Variants in IFIT3 observed in about 807,000 individuals in gnomAD.
IFIT3 encodes interferon-induced protein with tetratricopeptide repeats 3.
A neutral mutation model predicts 2.4 loss-of-function variants in IFIT3; 2 were observed. The ratio of observed to expected loss-of-function variants is 0.82; its 90% CI spans 0.34 to 2.60. The LOEUF (loss-of-function observed/expected upper bound fraction) is 2.60, where lower values mean the gene tolerates loss of function less well. Ranked by LOEUF, IFIT3 falls within the 30% of genes most tolerant of loss-of-function variation. The pLI, the probability that IFIT3 is intolerant of heterozygous loss-of-function variation, is 0.11. For missense variants in IFIT3, 481 were observed against 562.4 expected, an observed-to-expected ratio of 0.86 and a Z score of 1.46; for synonymous variants, 203 against 212.1, an observed-to-expected ratio of 0.96 and a Z score of 0.37.
At chr10:89,336,398 A>G (rs1217239158) in intron 1 of IFIT3, among the ~76,000 whole-genome samples, 2 of 152,190 alleles carry the variant, frequency 1.3e-5, no homozygotes, top group African/African-American at 4.8e-5. Context: ...CCTCACTCCC[A>G]TTGCCCTTGA....
chr10:89,329,641 GC>G (rs146877312), intron 1 of IFIT3, among the ~76,000 whole-genome samples: 6,269 of 152,226 alleles, frequency 0.041, 430 homozygotes, highest in African/African-American at 0.14. Context: ...ATCCTCCTCT[GC>G]CCCATCCACT....
At chr10:89,337,650 T>C (rs1487531724) in intron 1 of IFIT3, among the ~76,000 whole-genome samples, 2 of 152,228 alleles carry the variant, frequency 1.3e-5, no homozygotes, top group African/African-American at 4.8e-5. Context: ...CCACCCGCCT[T>C]GGCCTCCCAA....
Position 89,339,471 on chromosome 10 carries a change from A to C in IFIT3, c.816A>C (p.Pro272=). 1.9e-6 allele frequency: 3 copies of C among 1,614,082 alleles called. No homozygotes were observed. The African/African-American group carries it at 4.0e-5, about 22-fold the overall frequency. ...TTCAACGGGTGTTGGAATCCACACC[A>C]AACAATGGCTACCTCTATCACCAGA... The part of the protein sequence containing the change: ...ELFQRVLEST[P]NNGYLYHQIG... The change falls in exon 2 of 2, where the codon CCA becomes CCC. Residue 272 remains proline, a synonymous_variant. Transcript: ENST00000371818.
chr10:89,328,129 A>T, intron 1 of IFIT3, 51 bp downstream of exon 1: 1 of 1,582,816 alleles, frequency 6.3e-7, no homozygotes, highest in Non-Finnish European at 8.7e-7. Flanking sequence ...TGCAAATTGT[A>T]AGTTGAGTTT....
At chr10:89,328,584 C>T (rs1233475417) in intron 1 of IFIT3, among the ~76,000 whole-genome samples, 1 of 152,192 alleles carries the variant, frequency 6.6e-6, no homozygotes, top group Non-Finnish European at 1.5e-5. Context: ...TGCAAACCCA[C>T]TCATGAAGAA....
chr10:89,332,570 A>ATCAACCGGGTAACCAAATCAGT, intron 1 of IFIT3: 2 of 1,614,026 alleles, frequency 1.2e-6, no homozygotes, highest in South Asian at 2.2e-5. Flanking sequence ...AGTAAGCTAA[A>ATCAACCGGGTAACCAAATCAGT]AACAAAATCA....
At position 89,340,622 on chromosome 10, in the gene IFIT3, A is replaced by G. The variant is rs1238558046; in HGVS notation, c.*494A>G. The G allele has an allele frequency of 6.6e-6, 1 of 152,490 alleles. No homozygotes were observed. Among genetic ancestry groups the G allele is most frequent in the Non-Finnish European group, 1.5e-5 (1 of 68,468 alleles). 9.4% of individuals were successfully genotyped at this position (152,490 alleles called of 1,614,324 possible). On this transcript the variant is annotated 3_prime_UTR_variant, in exon 2 of 2. Coordinates refer to ENST00000371818, the MANE Select transcript of IFIT3 (RefSeq NM_001549.6). ...GTTCATTATAGTTCATTACAGTTACATAGTCCGAAGGTCTTACAACTAATC... is the reference window on the plus strand; with the variant it reads ...GTTCATTATAGTTCATTACAGTTACGTAGTCCGAAGGTCTTACAACTAATC...
chr10:89,330,506 T>C (rs1413143314), intron 1 of IFIT3, among the ~76,000 whole-genome samples: 1 of 152,228 alleles, frequency 6.6e-6, no homozygotes, highest in African/African-American at 2.4e-5. Flanking sequence ...GGCCAGCCTT[T>C]GATGGTTACC....
Position 89,339,425 on chromosome 10 carries a change from T to C in IFIT3, c.770T>C (p.Leu257Pro). The C allele has an allele frequency of 6.2e-7, 1 of 1,614,188 alleles. No individual in the cohort carries two copies. Among genetic ancestry groups the C allele is most frequent in the Non-Finnish European group, 8.5e-7 (1 of 1,180,024 alleles). Residue 257 changes from leucine (L) to proline (P), a missense_variant, in exon 2 of 2, where the codon CTA becomes CCA. By Grantham distance (98) the Leu-to-Pro change is moderately conservative. Coordinates refer to ENST00000371818, the MANE Select transcript of IFIT3 (RefSeq NM_001549.6). Reference sequence around the variant, plus strand: ...AAATTTTACAGAAGAAAAGGTGACCTAGACAAAGCTATTGAACTGTTTCAA... The same window carrying C: ...AAATTTTACAGAAGAAAAGGTGACCCAGACAAAGCTATTGAACTGTTTCAA... Reference protein sequence around the residue: ...AAKFYRRKGDLDKAIELFQRV... With the variant: ...AAKFYRRKGDPDKAIELFQRV...
chr10:89,338,194 C>G (rs1376734214), intron 1 of IFIT3: 1 of 157,244 alleles, frequency 6.4e-6, no homozygotes, highest in Non-Finnish European at 1.4e-5. Flanking sequence ...AATTGGCTCA[C>G]CTGATTATGG....
chr10:89,335,115 C>A (rs1304733603), intron 1 of IFIT3, among the ~76,000 whole-genome samples: 2 of 152,076 alleles, frequency 1.3e-5, no homozygotes, highest in African/African-American at 2.4e-5. Context: ...GATCAAGTAT[C>A]AAATACCTCA....
At chr10:89,330,600 T>G (rs1795340737) in intron 1 of IFIT3, among the ~76,000 whole-genome samples, 1 of 152,202 alleles carries the variant, frequency 6.6e-6, no homozygotes, top group South Asian at 2.1e-4. Flanking sequence ...GGCATAATTT[T>G]CTATCATTTG....
chr10:89,336,527 A>C (rs1474879217), intron 1 of IFIT3, among the ~76,000 whole-genome samples: 1 of 152,224 alleles, frequency 6.6e-6, no homozygotes, highest in East Asian at 1.9e-4. Flanking sequence ...GTACACTTGC[A>C]GTAGCGGTGT....
At chr10:89,336,751 C>G (rs1589609207) in intron 1 of IFIT3, among the ~76,000 whole-genome samples, 2 of 152,198 alleles carry the variant, frequency 1.3e-5, no homozygotes, top group South Asian at 4.1e-4. Flanking sequence ...TGGTTCATAA[C>G]TTTTTTTCTG....
chr10:89,331,612 C>T (rs1482111383), intron 1 of IFIT3, among the ~76,000 whole-genome samples: 1 of 152,154 alleles, frequency 6.6e-6, no homozygotes, highest in African/African-American at 2.4e-5. Context: ...ATAAGCCCAA[C>T]ACTTTGGGAG....
At position 89,332,453 on chromosome 10, in the gene IFIT3, A is replaced by G. The variant is rs1261186705; in HGVS notation, c.5+4375A>G. On this transcript the variant is annotated intron_variant, in intron 1 of 1. Transcript: ENST00000371818. ...GATTCTGTTTCAGTTTCCCCTCAAG[A>G]GGGATCTTGATAGGGTTCCATCAGT... 15 of 1,461,086 alleles carry G rather than the reference A, an allele frequency of 1.0e-5. 1 individual carries two copies. Among genetic ancestry groups the G allele is most frequent in the Middle Eastern group, 1.8e-4 (1 of 5,590 alleles). The allele number at this position is 1,461,086 out of a possible 1,614,324, so 90.5% of individuals were successfully genotyped here.
In IFIT3 at chr10:89,328,184, T is replaced by C; in HGVS notation, c.5+106T>C. Reference sequence around the variant, plus strand: ...CCTGAATTGTCCTGATGTTTATAGATTCAATATGTCTTTATCAGTCTGAGC... The same window carrying C: ...CCTGAATTGTCCTGATGTTTATAGACTCAATATGTCTTTATCAGTCTGAGC... On this transcript the variant is annotated intron_variant, in intron 1 of 1. Transcript: ENST00000371818. 6 of 1,113,720 alleles carry C rather than the reference T, an allele frequency of 5.4e-6. No individual in the cohort carries two copies. In the South Asian group the frequency reaches 7.7e-5, roughly 14 times the overall value. The allele number at this position is 1,113,720 out of a possible 1,614,324, so 69.0% of individuals were successfully genotyped here. A position where few individuals can be genotyped will look rare whatever the true frequency, so the allele number is the denominator to read the frequency against.
chr10:89,334,859 C>T (rs1407661315), intron 1 of IFIT3, among the ~76,000 whole-genome samples: 1 of 152,002 alleles, frequency 6.6e-6, no homozygotes, highest in African/African-American at 2.4e-5. Context: ...ATTTAAATAT[C>T]TGCATTAATT....
rs1383743827 is a variant in IFIT3, at chr10:89,339,884, T to C, written c.1229T>C (p.Leu410Pro). The C allele has an allele frequency of 1.2e-5, 19 of 1,614,110 alleles. No homozygotes were observed. Among genetic ancestry groups the C allele is most frequent in the Non-Finnish European group, 1.6e-5 (19 of 1,180,020 alleles). The change falls in exon 2 of 2, where the codon CTT becomes CCT. Residue 410 changes from leucine (L) to proline (P), a missense_variant. Coordinates refer to ENST00000371818, the MANE Select transcript of IFIT3 (RefSeq NM_001549.6). ...CCACAGAATGTATCTGAAAATCTGC[T>C]TCCACAAAATGCACCAAATTATTGG... ...DQPQNVSENL[L>P]PQNAPNYWYL...
Sources: allele counts gnomAD v4.1 joint callset (sites outside exome capture counted in the v4.1 genomes callset), GRCh38; gene constraint gnomAD v4.1.1; transcripts MANE v1.5; gene names NCBI Gene and HGNC (gene_info 2026-07-23, HGNC 2026-07-21).